PID1: variants seen among roughly 807,000 people sequenced by gnomAD.
PID1 encodes the protein PTB-containing, cubilin and LRP1-interacting protein.
PID1 carries 10 observed loss-of-function variants against 19.1 expected under a neutral mutation model. The observed-to-expected ratio is 0.52, with a 90% CI of 0.32 to 0.89. The LOEUF is 0.89. Ranked by LOEUF, PID1 falls within the 40% of genes least tolerant of loss-of-function variation. The pLI is 0.03. For synonymous variants in PID1, 130 were observed against 116.0 expected, an observed-to-expected ratio of 1.12 and a Z score of -0.78; for missense variants, 248 against 285.3, an observed-to-expected ratio of 0.87 and a Z score of 0.94.
At chr2:229,166,586 G>A (rs1334671965) in intron 1 of PID1, among the ~76,000 whole-genome samples, 1 of 152,154 alleles carries the variant, frequency 6.6e-6, no homozygotes, top group Admixed American at 6.5e-5. Flanking sequence ...CTCTAACATG[G>A]TGCCTTCCTA....
intron 2 of PID1, among the ~76,000 whole-genome samples, chr2:229,075,675 C>T (rs772219265): frequency 1.3e-5 from 2 of 152,208 alleles, no homozygotes; most frequent in Admixed American, 6.5e-5. Flanking sequence ...ACAGGGAAGT[C>T]GGTCACCATT....
At chr2:229,174,493 G>T (rs1690773716) in intron 1 of PID1, among the ~76,000 whole-genome samples, 1 of 152,112 alleles carries the variant, frequency 6.6e-6, no homozygotes, top group African/African-American at 2.4e-5. Context: ...AGGCATTATG[G>T]AAGAGAGGAC....
rs60513006 is a variant in PID1 at position 229,134,231 on chromosome 2, G to GTTTTTTTTTTTTTTTTTTTTTT, written c.177+21586_177+21587insAAAAAAAAAAAAAAAAAAAAAA. Among the ~76,000 whole-genome samples, 6 of 109,212 alleles carry GTTTTTTTTTTTTTTTTTTTTTT rather than the reference G, an allele frequency of 5.5e-5. 1 individual carries two copies. The highest frequency in any genetic ancestry group is 1.8e-4 in the African/African-American group (5 of 27,876). The allele number at this position is 109,212 out of a possible 152,430, so 71.6% of individuals were successfully genotyped here. A position where few individuals can be genotyped will look rare whatever the true frequency, so the allele number is the denominator to read the frequency against. ...TTCAATAACAATGTTTACTACCTGT[G>GTTTTTTTTTTTTTTTTTTTTTT]TTTTTTTTTTTTTTTTTTTTTGAGA... On this transcript the variant is annotated intron_variant, in intron 2 of 2. Coordinates refer to ENST00000392055, the MANE Select transcript of PID1 (RefSeq NM_001100818.2).
intron 1 of PID1, among the ~76,000 whole-genome samples, chr2:229,226,310 G>A (rs1692076910): frequency 6.6e-6 from 1 of 152,126 alleles, no homozygotes. Context: ...TTCCAGAATT[G>A]GTTTAACAGT....
intron 2 of PID1, among the ~76,000 whole-genome samples, chr2:229,139,865 A>G (rs927221126): frequency 7.2e-5 from 11 of 152,052 alleles, no homozygotes; most frequent in Non-Finnish European, 1.6e-4. Context: ...CTGCTCCTAC[A>G]CCTGTTTGCT....
rs112529221 is a variant in PID1, at chr2:229,097,148, G to A, written c.177+58670C>T. Among the ~76,000 whole-genome samples the A allele has an allele frequency of 7.1e-3, 1,083 of 152,284 alleles. 9 individuals are homozygous for A. Among genetic ancestry groups the A allele is most frequent in the African/African-American group, 0.025 (1,036 of 41,562 alleles). ...ATGATTATGAAAATGAAGTTCTACT[G>A]ACCTCATGTGTGAAATCACTTTAAG... On this transcript the variant is annotated intron_variant, in intron 2 of 2. Transcript: ENST00000392055.
At chr2:229,102,747 G>C (rs1695099657) in intron 2 of PID1, among the ~76,000 whole-genome samples, 1 of 152,170 alleles carries the variant, frequency 6.6e-6, no homozygotes, top group South Asian at 2.1e-4. Flanking sequence ...CTGACAATTA[G>C]AGTGAGTCAA....
rs566611282 is a variant in PID1 at position 229,088,999 on chromosome 2, CT to C, written c.178-62892del. Among the ~76,000 whole-genome samples, 59 of 152,278 alleles carry C rather than the reference CT, an allele frequency of 3.9e-4. 1 individual carries two copies. In the East Asian group the frequency reaches 0.01, roughly 26 times the overall value. ...TTCTCAGGAAATTCTTAAATCTCTC[CT>C]ACTGAAAGCCTGTTTAATATTTTAA... On this transcript the variant is annotated intron_variant, in intron 2 of 2. Coordinates refer to ENST00000392055, the MANE Select transcript of PID1 (RefSeq NM_001100818.2).
At chr2:229,260,637 ACCATG>A (rs1024540914) in intron 1 of PID1, among the ~76,000 whole-genome samples, 1 of 151,662 alleles carries the variant, frequency 6.6e-6, no homozygotes, top group Admixed American at 6.6e-5. Context: ...ATAGAAGGAA[ACCATG>A]GGTTTCCTTC....
chr2:229,060,981 G>A lies in PID1; in HGVS notation c.178-34873C>T, dbSNP rs80303732. Among the ~76,000 whole-genome samples the A allele has an allele frequency of 4.6e-3, 697 of 152,038 alleles. 4 individuals carry two copies. The highest frequency in any genetic ancestry group is 0.016 in the African/African-American group (654 of 41,510). On this transcript the variant is annotated intron_variant, in intron 2 of 2. Transcript: ENST00000392055. The stretch of plus-strand genomic sequence containing the variant: ...TAATTTGTTTTCTTGTTATTGGGTT[G>A]TTTGAATTCTTTATAAATTTTGGAT...
chr2:229,232,546 C>T (rs1368012911), intron 1 of PID1, among the ~76,000 whole-genome samples: 1 of 150,500 alleles, frequency 6.6e-6, no homozygotes, highest in African/African-American at 2.4e-5. Flanking sequence ...TCCTCAACCA[C>T]GTATGCAGAG....
intron 1 of PID1, among the ~76,000 whole-genome samples, chr2:229,215,280 G>A (rs776899543): frequency 2.6e-5 from 4 of 152,104 alleles, no homozygotes; most frequent in Non-Finnish European, 5.9e-5. Context: ...ATTGAAAATC[G>A]GTACTTTCTG....
At chr2:229,181,558 G>T (rs1055867237) in intron 1 of PID1, among the ~76,000 whole-genome samples, 2 of 152,216 alleles carry the variant, frequency 1.3e-5, no homozygotes, top group South Asian at 2.1e-4. Flanking sequence ...TGACAGTGAA[G>T]TCAGGAAATT....
chr2:229,150,834 A>G (rs912418362), intron 2 of PID1, among the ~76,000 whole-genome samples: 5 of 144,670 alleles, frequency 3.5e-5, no homozygotes, highest in Admixed American at 3.4e-4. Flanking sequence ...AAGGCATATG[A>G]TTTTTCATTG....
intron 1 of PID1, among the ~76,000 whole-genome samples, chr2:229,229,897 G>A (rs1261894522): frequency 2.0e-5 from 3 of 152,162 alleles, no homozygotes; most frequent in Non-Finnish European, 4.4e-5. Context: ...GAGGACATTT[G>A]AACTTGGCTT....
intron 2 of PID1, among the ~76,000 whole-genome samples, chr2:229,064,560 A>G (rs934769882): frequency 5.3e-5 from 8 of 152,194 alleles, no homozygotes; most frequent in African/African-American, 1.7e-4. Context: ...TCCTCAAAAC[A>G]TAAGTAATTG....
chr2:229,207,261 C>T (rs1452406379), intron 1 of PID1, among the ~76,000 whole-genome samples: 3 of 151,870 alleles, frequency 2.0e-5, no homozygotes, highest in Admixed American at 2.0e-4. Context: ...CTACTAAGGA[C>T]CTGGATTTCA....
chr2:229,109,071 G>A (rs1211946272), intron 2 of PID1, among the ~76,000 whole-genome samples: 3 of 152,138 alleles, frequency 2.0e-5, no homozygotes, highest in African/African-American at 4.8e-5. Flanking sequence ...AATGAAATAC[G>A]AGAGGAAGCT....
chr2:229,066,130 C>G (rs1039894937), intron 2 of PID1, among the ~76,000 whole-genome samples: 4 of 152,026 alleles, frequency 2.6e-5, no homozygotes, highest in African/African-American at 9.7e-5. Context: ...ACCAACCAAC[C>G]AAACAGAACT....
Sources: gnomAD v4.1 joint callset for allele counts (sites outside exome capture counted in the v4.1 genomes callset) on GRCh38, gnomAD v4.1.1 for gene constraint, MANE v1.5 for transcripts, NCBI Gene and HGNC (gene_info 2026-07-23, HGNC 2026-07-21) for gene names.